Variants in ETV6 observed in about 807,000 individuals in gnomAD.
ETV6 encodes the protein ETS variant transcription factor 6, also known as transcription factor ETV6.
A neutral mutation model predicts 51.1 loss-of-function variants in ETV6; 16 were observed. The ratio of observed to expected loss-of-function variants is 0.31; its 90% CI spans 0.21 to 0.48. The LOEUF is 0.48. ETV6 is among the 20% of genes least tolerant of loss of function. ETV6 has a pLI of 0.99. For synonymous variants in ETV6, 240 were observed against 224.1 expected, an observed-to-expected ratio of 1.07 and a Z score of -0.64; for missense variants, 458 against 594.8, an observed-to-expected ratio of 0.77 and a Z score of 2.39.
intron 1 of ETV6, among the ~76,000 whole-genome samples, chr12:11,736,447 G>A (rs1865704158): frequency 6.6e-6 from 1 of 152,264 alleles, no homozygotes; most frequent in South Asian, 2.1e-4. Flanking sequence ...GTCTGTCCAG[G>A]TATACTTGAT....
At chr12:11,751,793 TA>T (rs1439663821) in intron 1 of ETV6, 1 of 488,470 alleles carries the variant, frequency 2.0e-6, no homozygotes, top group Non-Finnish European at 4.1e-6. Flanking sequence ...AGATGGAGAG[TA>T]AAAGAACAAG....
At chr12:11,810,258 G>A (rs1945893997) in intron 2 of ETV6, among the ~76,000 whole-genome samples, 1 of 152,090 alleles carries the variant, frequency 6.6e-6, no homozygotes, top group South Asian at 2.1e-4. Flanking sequence ...TATGTTCATG[G>A]GCTTTCTAGA....
chr12:11,737,544 T>C (rs1865727925), intron 1 of ETV6, among the ~76,000 whole-genome samples: 1 of 152,242 alleles, frequency 6.6e-6, no homozygotes, highest in Non-Finnish European at 1.5e-5. Context: ...TGATTTATTT[T>C]TCTAGTCTGA....
chr12:11,854,002 C>G (rs1456461662), intron 4 of ETV6, among the ~76,000 whole-genome samples: 1 of 152,122 alleles, frequency 6.6e-6, no homozygotes, highest in Non-Finnish European at 1.5e-5. Flanking sequence ...TTATTCTGCA[C>G]TTCATTTCTA....
intron 7 of ETV6, among the ~76,000 whole-genome samples, chr12:11,886,588 G>A (rs768807357): frequency 1.1e-4 from 17 of 152,164 alleles, no homozygotes; most frequent in Non-Finnish European, 2.2e-4. Flanking sequence ...TGTACGTGAT[G>A]AGTCATGATG....
chr12:11,674,031 C>T lies in ETV6; in HGVS notation c.33+23871C>T, dbSNP rs1405291532. ...TTCAGAAAGAATGACCTCCATCCCA[C>T]CTTTCTCTAAAAGGTACAAATCGTA... On this transcript the variant is annotated intron_variant, in intron 1 of 7. Transcript: ENST00000396373. Among the ~76,000 whole-genome samples, 4 of 152,188 alleles carry T rather than the reference C, an allele frequency of 2.6e-5. No homozygotes were observed. In the East Asian group the frequency reaches 7.7e-4, roughly 29 times the overall value.
At chr12:11,754,196 C>G (rs1390938925) in intron 2 of ETV6, among the ~76,000 whole-genome samples, 1 of 152,224 alleles carries the variant, frequency 6.6e-6, no homozygotes, top group Non-Finnish European at 1.5e-5. Context: ...ATTCATCTCA[C>G]AAATAGTTAT....
intron 2 of ETV6, among the ~76,000 whole-genome samples, chr12:11,794,649 T>C (rs1244981646): frequency 6.6e-6 from 1 of 152,218 alleles, no homozygotes; most frequent in Non-Finnish European, 1.5e-5. Flanking sequence ...ATTTTCCTTT[T>C]ATACTCTATC....
chr12:11,894,421 A>G lies in ETV6; in HGVS notation c.*3375A>G, dbSNP rs554344204. 5.9e-4 allele frequency: 138 copies of G among 233,162 alleles called. 2 individuals are homozygous for G. The South Asian group carries it at 0.023, about 39-fold the overall frequency. The allele number at this position is 233,162 out of a possible 1,614,324, so 14.4% of individuals were successfully genotyped here. On this transcript the variant is annotated 3_prime_UTR_variant, in exon 8 of 8. Transcript: ENST00000396373. ...TGTTGAAGGTAACATGAACTCTAAG[A>G]TCTTGACCCAGGGCGACTTGGTTTT...
intron 5 of ETV6, among the ~76,000 whole-genome samples, chr12:11,872,090 C>CT (rs758781431): frequency 7.2e-5 from 11 of 152,236 alleles, no homozygotes; most frequent in South Asian, 2.1e-4. Context: ...TTGCAGATAC[C>CT]TTTTGCTTGT....
At chr12:11,689,487 T>G (rs1225521733) in intron 1 of ETV6, among the ~76,000 whole-genome samples, 1 of 152,164 alleles carries the variant, frequency 6.6e-6, no homozygotes, top group Admixed American at 6.5e-5. Context: ...TCTTCTCCAG[T>G]CTTCTCCAGG....
chr12:11,674,256 A>G (rs942648825), intron 1 of ETV6, among the ~76,000 whole-genome samples: 1 of 152,206 alleles, frequency 6.6e-6, no homozygotes, highest in East Asian at 1.9e-4. Context: ...GCAATATAAA[A>G]TGCCAGAGGA....
chr12:11,871,380 C>A (rs1335463396), intron 5 of ETV6, among the ~76,000 whole-genome samples: 1 of 151,900 alleles, frequency 6.6e-6, no homozygotes. Flanking sequence ...TTAGTAGAGA[C>A]GGGGTTTCAC....
chr12:11,845,102 T>A (rs1341981643), intron 3 of ETV6, among the ~76,000 whole-genome samples: 1 of 152,224 alleles, frequency 6.6e-6, no homozygotes, highest in East Asian at 1.9e-4. Flanking sequence ...GTGCTAGGAT[T>A]ACAGGCGTGA....
intron 7 of ETV6, among the ~76,000 whole-genome samples, chr12:11,888,464 C>G (rs376669299): frequency 1.9e-4 from 28 of 148,426 alleles, no homozygotes; most frequent in African/African-American, 6.7e-4. Flanking sequence ...GGCACAATCT[C>G]GACTCACTGG....
intron 1 of ETV6, among the ~76,000 whole-genome samples, chr12:11,667,376 A>T (rs2120674548): frequency 6.6e-6 from 1 of 152,134 alleles, no homozygotes. Flanking sequence ...TTACAGCCTT[A>T]CCAGGCCCAG....
chr12:11,742,582 C>T lies in ETV6; in HGVS notation c.34-9868C>T, dbSNP rs561161987. Among the ~76,000 whole-genome samples the T allele has an allele frequency of 8.5e-5, 13 of 152,262 alleles. No individual in the cohort carries two copies. The South Asian group carries it at 1.9e-3, about 22-fold the overall frequency. On this transcript the variant is annotated intron_variant, in intron 1 of 7. Transcript: ENST00000396373. ...GGAAGAGGATAAATTCTGCCTCCTTCCCCAGTTACTGTCAATCTTCAGTCT... is the reference window on the plus strand; with the variant it reads ...GGAAGAGGATAAATTCTGCCTCCTTTCCCAGTTACTGTCAATCTTCAGTCT...
At chr12:11,832,073 G>A (rs1591706243) in intron 2 of ETV6, among the ~76,000 whole-genome samples, 1 of 152,156 alleles carries the variant, frequency 6.6e-6, no homozygotes, top group East Asian at 1.9e-4. Flanking sequence ...AACATATAAA[G>A]GAGAGTTTCT....
rs1394480663 is a variant in ETV6, at chr12:11,755,316, G to T, written c.163+2737G>T. The stretch of plus-strand genomic sequence containing the variant: ...CGGAAACCTTTCCATTTCATCAGTA[G>T]TTAGACTATGGATTCAGATTATGGT... On this transcript the variant is annotated intron_variant, in intron 2 of 7. Transcript: ENST00000396373. 3.3e-5 allele frequency among the ~76,000 whole-genome samples: 5 copies of T among 152,310 alleles called. No individual in the cohort carries two copies. In the East Asian group the frequency reaches 9.6e-4, roughly 29 times the overall value.
Sources: gnomAD v4.1 joint callset for allele counts (sites outside exome capture counted in the v4.1 genomes callset) on GRCh38, gnomAD v4.1.1 for gene constraint, MANE v1.5 for transcripts, NCBI Gene and HGNC (gene_info 2026-07-23, HGNC 2026-07-21) for gene names.